AHRR: variants seen among roughly 807,000 people sequenced by gnomAD.
AHRR encodes ahR repressor.
A neutral mutation model predicts 44.0 loss-of-function variants in AHRR; 28 were observed. The observed-to-expected ratio is 0.64, with a 90% CI of 0.47 to 0.87. The LOEUF (loss-of-function observed/expected upper bound fraction) is 0.87, where lower values mean the gene tolerates loss of function less well. AHRR is among the 40% of genes least tolerant of loss of function. The pLI is 0.00. For synonymous variants in AHRR, 434 were observed against 407.0 expected, an observed-to-expected ratio of 1.07 and a Z score of -0.80; for missense variants, 990 against 953.9, an observed-to-expected ratio of 1.04 and a Z score of -0.50.
At chr5:350,055 G>A (rs1742808227) in intron 2 of AHRR, among the ~76,000 whole-genome samples, 1 of 152,178 alleles carries the variant, frequency 6.6e-6, no homozygotes, top group Non-Finnish European at 1.5e-5. Flanking sequence ...ACTCAGTAAT[G>A]TAGGTCCCCA....
intron 4 of AHRR, among the ~76,000 whole-genome samples, chr5:381,152 G>A (rs1187971025): frequency 6.6e-6 from 1 of 152,204 alleles, no homozygotes; most frequent in African/African-American, 2.4e-5. Context: ...TCCAGCCAGT[G>A]GAACTGACCC....
rs116625232 is a variant in AHRR at position 343,336 on chromosome 5, G to A, written c.-10-557G>A. Among the ~76,000 whole-genome samples, 1,155 of 135,396 alleles carry A rather than the reference G, an allele frequency of 8.5e-3. 28 individuals carry two copies. Among genetic ancestry groups the A allele is most frequent in the African/African-American group, 0.03 (1,092 of 35,874 alleles). 88.8% of individuals were successfully genotyped at this position (135,396 alleles called of 152,430 possible). A position where few individuals can be genotyped will look rare whatever the true frequency, so the allele number is the denominator to read the frequency against. On this transcript the variant is annotated intron_variant, in intron 1 of 10. Coordinates refer to ENST00000684583, the MANE Select transcript of AHRR (RefSeq NM_001377236.1). Reference sequence around the variant, plus strand: ...ATACCCTCTCAGGGGTGACAGGAACGTGGGACCCCACGTACCTTCTCGGGG... The same window carrying A: ...ATACCCTCTCAGGGGTGACAGGAACATGGGACCCCACGTACCTTCTCGGGG...
In AHRR at chr5:432,963, C is replaced by T. The variant is rs746031134; in HGVS notation, c.1112+16C>T. On this transcript the variant is annotated intron_variant, in intron 10 of 10. Transcript: ENST00000684583. ...GGGGCTCAGGGTAAGTGGTGCCAGG[C>T]AGCCTCCCCCAGCCCTGGCAGCTCC... 2.0e-5 allele frequency: 32 copies of T among 1,569,366 alleles called. No homozygotes were observed. The highest frequency in any genetic ancestry group is 3.6e-5 in the South Asian group (3 of 84,390).
chr5:408,938 T>C (rs1342834057), intron 4 of AHRR, among the ~76,000 whole-genome samples: 1 of 152,238 alleles, frequency 6.6e-6, no homozygotes, highest in Non-Finnish European at 1.5e-5. Context: ...ATATATACTT[T>C]AGGTTTTCAA....
chr5:380,535 C>T (rs922361911), intron 4 of AHRR, among the ~76,000 whole-genome samples: 3 of 152,056 alleles, frequency 2.0e-5, no homozygotes, highest in Non-Finnish European at 4.4e-5. Flanking sequence ...GCATACATAT[C>T]CTGCATATTT....
At chr5:376,487 C>T (rs1350276801) in intron 3 of AHRR, 123 bp from the exon 4 acceptor site, 2 of 34,898 alleles carry the variant, frequency 5.7e-5, no homozygotes, top group African/African-American at 1.9e-4. Context: ...TCAGTGCAGC[C>T]CAGGCCAGAT....
At chr5:424,657 T>A (rs180695665) in intron 7 of AHRR, among the ~76,000 whole-genome samples, 34 of 152,302 alleles carry the variant, frequency 2.2e-4, no homozygotes, top group African/African-American at 7.9e-4. Context: ...AAATATTTTT[T>A]AAAATGTGCC....
At chr5:412,038 TGGGGCTGCG>T (rs981036595) in intron 4 of AHRR, among the ~76,000 whole-genome samples, 2 of 152,116 alleles carry the variant, frequency 1.3e-5, no homozygotes, top group African/African-American at 4.8e-5. Flanking sequence ...TGCTGCAGGG[TGGGGCTGCG>T]AGGCTCGCTG....
chr5:371,599 C>T (rs970115920), intron 3 of AHRR, among the ~76,000 whole-genome samples: 1 of 152,162 alleles, frequency 6.6e-6, no homozygotes, highest in Non-Finnish European at 1.5e-5. Flanking sequence ...GCATCTGGGC[C>T]CACCTGTCCT....
intron 5 of AHRR, among the ~76,000 whole-genome samples, chr5:417,319 G>A (rs1735871900): frequency 1.3e-5 from 2 of 151,428 alleles, no homozygotes. Flanking sequence ...GTCTAGAGAA[G>A]GCCGCTTGGT....
At chr5:334,718 C>T (rs2126337855) in intron 1 of AHRR, among the ~76,000 whole-genome samples, 1 of 152,012 alleles carries the variant, frequency 6.6e-6, no homozygotes, top group East Asian at 1.9e-4. Context: ...GATTTATCTA[C>T]TGCTGGAGAA....
At chr5:422,332 G>C (rs1736164001) in intron 5 of AHRR, 1 of 303,344 alleles carries the variant, frequency 3.3e-6, no homozygotes, top group Admixed American at 4.8e-5. Context: ...TTGAGGCCTG[G>C]GTGTCAGGAA....
At chr5:374,071 C>T (rs572367786) in intron 3 of AHRR, among the ~76,000 whole-genome samples, 6 of 152,218 alleles carry the variant, frequency 3.9e-5, no homozygotes, top group East Asian at 1.9e-4. Flanking sequence ...GGGTCGGCTC[C>T]GCTGCGGGAG....
rs1022991385 is a variant in AHRR at position 434,732 on chromosome 5, G to T, written c.1992G>T (p.Gln664His). ...VVKREPLDSP[Q>H]WATHSQGMVP... The stretch of plus-strand genomic sequence containing the variant: ...AGCGGGAGCCCTTGGACTCACCCCA[G>T]TGGGCTACTCACAGCCAGGGAATGG... Residue 664 changes from glutamine to histidine, a missense_variant, in exon 11 of 11, where the codon CAG becomes CAT. Transcript: ENST00000684583. 1.9e-6 allele frequency: 3 copies of T among 1,570,996 alleles called. No individual in the cohort carries two copies. Among genetic ancestry groups the T allele is most frequent in the African/African-American group, 2.7e-5 (2 of 74,094 alleles).
intron 1 of AHRR, among the ~76,000 whole-genome samples, chr5:333,596 A>C (rs1226190679): frequency 6.6e-6 from 1 of 151,904 alleles, no homozygotes; most frequent in Non-Finnish European, 1.5e-5. Flanking sequence ...ACTCCATCTC[A>C]AAAAAAACAA....
chr5:428,120 T>G (rs1164006079), intron 8 of AHRR, 114 bp downstream of exon 8: 1 of 1,239,268 alleles, frequency 8.1e-7, no homozygotes, highest in Admixed American at 2.2e-5. Context: ...CAGTAATAAG[T>G]CAGTTTCGTG....
rs768933516 is a variant in AHRR, at chr5:404,092, G to A, written c.352-9252G>A. On this transcript the variant is annotated intron_variant, in intron 4 of 10. Coordinates refer to ENST00000684583, the MANE Select transcript of AHRR (RefSeq NM_001377236.1). The surrounding 1 kb of genome is among the most constrained non-coding windows in gnomAD (Gnocchi z 4.1). ...AGCGTTTGAAGAAAAAGTCAGTTCC[G>A]TTGTCAGGGTTGGTCCAGGTTTGGG... 5.1e-5 allele frequency: 31 copies of A among 612,996 alleles called. No homozygotes were observed. Among genetic ancestry groups the A allele is most frequent in the Admixed American group, 8.9e-5 (4 of 44,822 alleles). 38.0% of individuals were successfully genotyped at this position (612,996 alleles called of 1,614,324 possible).
chr5:328,123 T>C (rs981229757), intron 1 of AHRR, among the ~76,000 whole-genome samples: 7 of 152,164 alleles, frequency 4.6e-5, no homozygotes, highest in Non-Finnish European at 8.8e-5. Flanking sequence ...CTCATCATTT[T>C]TGATGGCTGT....
chr5:384,909 G>A (rs556858413), intron 4 of AHRR, among the ~76,000 whole-genome samples: 2 of 152,166 alleles, frequency 1.3e-5, no homozygotes, highest in Non-Finnish European at 2.9e-5. Context: ...ACTTTGGGAG[G>A]CTGAGGCAGG....
Sources: gnomAD v4.1 joint callset for allele counts (sites outside exome capture counted in the v4.1 genomes callset) on GRCh38, gnomAD v4.1.1 for gene constraint, Gnocchi (gnomAD v3.1) non-coding constraint, MANE v1.5 for transcripts, NCBI Gene and HGNC (gene_info 2026-07-23, HGNC 2026-07-21) for gene names.